CNBD1: variants seen among roughly 807,000 people sequenced by gnomAD.
CNBD1 encodes the protein cyclic nucleotide binding domain containing 1, also known as cyclic nucleotide-binding domain-containing protein 1.
CNBD1 carries 71 observed loss-of-function variants against 54.4 expected under a neutral mutation model. The ratio of observed to expected loss-of-function variants is 1.30; its 90% CI spans 1.08 to 1.59. CNBD1 has a LOEUF of 1.59. CNBD1 is among the 40% of genes most tolerant of loss of function. The pLI, the probability that CNBD1 is intolerant of heterozygous loss-of-function variation, is 0.00. For synonymous variants in CNBD1, 182 were observed against 170.7 expected (o/e 1.07, Z -0.51); for missense variants, 659 against 518.0 (o/e 1.27, Z -2.64).
At chr8:86,871,358 C>T (rs1414087958) in intron 1 of CNBD1, among the ~76,000 whole-genome samples, 1 of 152,224 alleles carries the variant, frequency 6.6e-6, no homozygotes, top group Non-Finnish European at 1.5e-5. Flanking sequence ...GGTCCTCCAG[C>T]ATCTTTCACA....
At chr8:87,201,022 CA>C (rs1356877432) in intron 4 of CNBD1, among the ~76,000 whole-genome samples, 1 of 151,936 alleles carries the variant, frequency 6.6e-6, no homozygotes, top group Non-Finnish European at 1.5e-5. Flanking sequence ...AAACTAAATC[CA>C]GAAACATATA....
intron 8 of CNBD1, among the ~76,000 whole-genome samples, chr8:87,321,578 A>T (rs1809534006): frequency 6.6e-6 from 1 of 152,086 alleles, no homozygotes; most frequent in Non-Finnish European, 1.5e-5. Context: ...TTCCTTATAT[A>T]TTTTGAATAT....
chr8:86,979,308 G>A (rs1808414061), intron 4 of CNBD1, among the ~76,000 whole-genome samples: 1 of 140,424 alleles, frequency 7.1e-6, no homozygotes, highest in South Asian at 2.4e-4. Context: ...GCTCATGCTT[G>A]TAATCCTGGC....
intron 5 of CNBD1, among the ~76,000 whole-genome samples, chr8:87,233,440 T>G (rs951232218): frequency 2.0e-5 from 3 of 152,238 alleles, no homozygotes; most frequent in Non-Finnish European, 4.4e-5. Context: ...TGTAGTCTAT[T>G]AAGCAGTGAT....
chr8:87,307,073 A>G (rs1809167306), intron 8 of CNBD1, among the ~76,000 whole-genome samples: 1 of 152,216 alleles, frequency 6.6e-6, no homozygotes, highest in South Asian at 2.1e-4. Context: ...CCAGACTCTT[A>G]TCTACATCTA....
At chr8:86,969,459 T>A (rs1162570093) in intron 4 of CNBD1, among the ~76,000 whole-genome samples, 1 of 152,146 alleles carries the variant, frequency 6.6e-6, no homozygotes, top group Non-Finnish European at 1.5e-5. Flanking sequence ...TTCTTTGTGA[T>A]TTTGTCCCAT....
At chr8:87,367,527 A>C (rs1047161459) in intron 10 of CNBD1, among the ~76,000 whole-genome samples, 72 of 152,014 alleles carry the variant, frequency 4.7e-4, no homozygotes, top group African/African-American at 1.7e-3. Context: ...CTGCTTCTCC[A>C]CATCTATTAA....
chr8:87,158,194 T>C (rs1812784664), intron 4 of CNBD1, among the ~76,000 whole-genome samples: 1 of 152,120 alleles, frequency 6.6e-6, no homozygotes, highest in African/African-American at 2.4e-5. Context: ...AAGTCTGGAC[T>C]CCATACCTAG....
At chr8:87,320,579 A>G (rs1322060945) in intron 8 of CNBD1, among the ~76,000 whole-genome samples, 1 of 144,070 alleles carries the variant, frequency 6.9e-6, no homozygotes, top group Non-Finnish European at 1.5e-5. Flanking sequence ...TAATGGTCTT[A>G]TTTTTCAAAA....
At chr8:87,225,600 A>T (rs1349290967) in intron 5 of CNBD1, among the ~76,000 whole-genome samples, 4 of 152,102 alleles carry the variant, frequency 2.6e-5, no homozygotes, top group African/African-American at 9.7e-5. Context: ...CCACTTGATC[A>T]TGGTGGATAA....
chr8:86,895,090 T>C (rs74393836), intron 2 of CNBD1, among the ~76,000 whole-genome samples: 4,631 of 152,274 alleles, frequency 0.03, 103 homozygotes, highest in Non-Finnish European at 0.046. Context: ...TCATAAGTCA[T>C]ACCCTCATGA....
chr8:86,899,089 A>G (rs567523831), intron 2 of CNBD1, among the ~76,000 whole-genome samples: 1 of 151,202 alleles, frequency 6.6e-6, no homozygotes, highest in South Asian at 2.1e-4. Flanking sequence ...AAAGTAAAAT[A>G]CTACATCATC....
At chr8:87,377,191 G>A (rs1810965198) in intron 10 of CNBD1, among the ~76,000 whole-genome samples, 1 of 149,934 alleles carries the variant, frequency 6.7e-6, no homozygotes, top group African/African-American at 2.5e-5. Flanking sequence ...TACGGTACAT[G>A]TGCACATTGT....
At chr8:86,904,592 G>A (rs1289262073) in intron 2 of CNBD1, among the ~76,000 whole-genome samples, 3 of 152,030 alleles carry the variant, frequency 2.0e-5, no homozygotes, top group Non-Finnish European at 2.9e-5. Flanking sequence ...AAAAAGCATC[G>A]TAGGTAATTT....
At chr8:87,277,219 C>A (rs1333945401) in intron 6 of CNBD1, among the ~76,000 whole-genome samples, 3 of 151,434 alleles carry the variant, frequency 2.0e-5, no homozygotes, top group Non-Finnish European at 4.4e-5. Context: ...TGCTATAGAG[C>A]CAGAAAGAGC....
intron 4 of CNBD1, among the ~76,000 whole-genome samples, chr8:87,156,432 A>T (rs1267497855): frequency 6.6e-6 from 1 of 150,580 alleles, no homozygotes; most frequent in South Asian, 2.1e-4. Context: ...TTTTAATAGA[A>T]GCGGATTTTG....
chr8:87,422,515 A>G lies in CNBD1; in HGVS notation c.214-6031A>G, dbSNP rs544692490. Among the ~76,000 whole-genome samples the G allele has an allele frequency of 3.9e-3, 585 of 151,934 alleles. 3 individuals are homozygous for G. The highest frequency in any genetic ancestry group is 5.7e-3 in the Non-Finnish European group (390 of 67,980). Reference sequence around the variant, plus strand: ...ATGGCTAGCCAGTTTTCCCAGCACCATTTATTAAATAGGGAATCCTTTCCC... The same window carrying G: ...ATGGCTAGCCAGTTTTCCCAGCACCGTTTATTAAATAGGGAATCCTTTCCC... On this transcript the variant is annotated intron_variant, in intron 2 of 7. Transcript: ENST00000521593.
chr8:87,009,459 C>A (rs1259680427), intron 4 of CNBD1, among the ~76,000 whole-genome samples: 1 of 151,904 alleles, frequency 6.6e-6, no homozygotes, highest in East Asian at 1.9e-4. Flanking sequence ...TGCCACAACA[C>A]CCGGCTAATT....
chr8:87,326,283 T>TG lies in CNBD1; in HGVS notation c.1043-25400dup, dbSNP rs1290857259. On this transcript the variant is annotated intron_variant, in intron 8 of 10. Coordinates refer to ENST00000518476, the MANE Select transcript of CNBD1 (RefSeq NM_173538.3). Reference sequence around the variant, plus strand: ...TGGTGAATCTGACAATGATGTGTCTTGGAGTTGCACTTCTCGAGGAATATC... The same window carrying TG: ...TGGTGAATCTGACAATGATGTGTCTTGGGAGTTGCACTTCTCGAGGAATATC... Among the ~76,000 whole-genome samples the TG allele has an allele frequency of 1.6e-5, 2 of 123,164 alleles. 1 individual carries two copies. The highest frequency in any genetic ancestry group is 3.6e-5 in the Non-Finnish European group (2 of 55,066). The allele number at this position is 123,164 out of a possible 152,430, so 80.8% of individuals were successfully genotyped here.
Sources: allele counts gnomAD v4.1 joint callset (sites outside exome capture counted in the v4.1 genomes callset), GRCh38; gene constraint gnomAD v4.1.1; transcripts MANE v1.5; gene names NCBI Gene and HGNC (gene_info 2026-07-23, HGNC 2026-07-21).